Variants in THSD7A observed in about 807,000 individuals in gnomAD.
THSD7A encodes the protein thrombospondin type-1 domain-containing protein 7A.
In THSD7A, 96 loss-of-function variants were observed where a neutral mutation model predicts 231.3. The ratio of observed to expected loss-of-function variants is 0.41; its 90% CI spans 0.35 to 0.49. The LOEUF is 0.49. THSD7A is among the 20% of genes least tolerant of loss of function. THSD7A has a pLI of 0.05. For missense variants in THSD7A, 2,290 were observed against 2,070.2 expected (o/e 1.11, Z -2.06); for synonymous variants, 940 against 743.3 (o/e 1.26, Z -4.30).
chr7:11,708,777 T>A (rs149776589), intron 1 of THSD7A, among the ~76,000 whole-genome samples: 6 of 150,824 alleles, frequency 4.0e-5, no homozygotes, highest in Non-Finnish European at 4.5e-5. Flanking sequence ...AATTCTAGTA[T>A]GCTATTTTCA....
chr7:11,742,492 A>C (rs1037112044), intron 1 of THSD7A, among the ~76,000 whole-genome samples: 4 of 151,928 alleles, frequency 2.6e-5, no homozygotes, highest in African/African-American at 9.7e-5. Context: ...CTAAATCATT[A>C]TGATAACAGC....
At chr7:11,546,195 G>C (rs868231826) in intron 4 of THSD7A, among the ~76,000 whole-genome samples, 4,459 of 78,558 alleles carry the variant, frequency 0.057, 129 homozygotes, top group African/African-American at 0.097. Flanking sequence ...TGCTGGTGTG[G>C]GCGCGCGCTC....
At chr7:11,803,757 T>C (rs1784336408) in intron 1 of THSD7A, among the ~76,000 whole-genome samples, 1 of 152,088 alleles carries the variant, frequency 6.6e-6, no homozygotes, top group Non-Finnish European at 1.5e-5. Flanking sequence ...CTGATGAGCT[T>C]TTAGAAAAAT....
chr7:11,590,658 C>G lies in THSD7A; in HGVS notation c.1272-17G>C. On this transcript the variant is annotated splice_polypyrimidine_tract_variant and intron_variant, in intron 3 of 27. Coordinates refer to ENST00000423059, the MANE Select transcript of THSD7A (RefSeq NM_015204.3). The surrounding 1 kb of genome is among the most constrained non-coding windows in gnomAD (Gnocchi z 4.4). ...CAGCCATACCTAAATAAAGACAACA[C>G]CACCAGCAGCAACCATAATTATTGA... 1 of 1,580,814 alleles carries G rather than the reference C, an allele frequency of 6.3e-7. No homozygotes were observed.
intron 1 of THSD7A, among the ~76,000 whole-genome samples, chr7:11,732,552 G>A (rs1218627100): frequency 6.6e-6 from 1 of 151,620 alleles, no homozygotes; most frequent in Non-Finnish European, 1.5e-5. Flanking sequence ...ACACTGTGCC[G>A]GTATTATATA....
intron 13 of THSD7A, among the ~76,000 whole-genome samples, chr7:11,436,304 T>C (rs1784630537): frequency 6.6e-6 from 1 of 152,148 alleles, no homozygotes; most frequent in African/African-American, 2.4e-5. Context: ...TGCAATGCAC[T>C]GTTCTTTCAA....
At chr7:11,749,559 T>C (rs1250853548) in intron 1 of THSD7A, among the ~76,000 whole-genome samples, 1 of 152,000 alleles carries the variant, frequency 6.6e-6, no homozygotes, top group Non-Finnish European at 1.5e-5. Context: ...ATTAAAAGTC[T>C]TCTTGTAATT....
chr7:11,482,684 G>C (rs1156744808), intron 6 of THSD7A, among the ~76,000 whole-genome samples: 1 of 152,142 alleles, frequency 6.6e-6, no homozygotes, highest in African/African-American at 2.4e-5. Context: ...TTAAGATAAA[G>C]GGCAGATTTT....
chr7:11,387,000 T>G (rs1326364560), intron 23 of THSD7A, among the ~76,000 whole-genome samples: 3 of 152,228 alleles, frequency 2.0e-5, no homozygotes. Flanking sequence ...TTGTCAGGTT[T>G]GTCAAAGGTC....
At chr7:11,517,124 G>C (rs1468559420) in intron 6 of THSD7A, among the ~76,000 whole-genome samples, 2 of 151,954 alleles carry the variant, frequency 1.3e-5, no homozygotes, top group African/African-American at 4.8e-5. Flanking sequence ...CTTTGCCTGG[G>C]CTAGAGTTCA....
chr7:11,488,431 T>G (rs1331719917), intron 6 of THSD7A, among the ~76,000 whole-genome samples: 2 of 152,236 alleles, frequency 1.3e-5, no homozygotes, highest in African/African-American at 2.4e-5. Flanking sequence ...AGGTCCAGAA[T>G]CACCCTCAGC....
rs1780131768 is a variant in THSD7A, at chr7:11,590,789, G to A, written c.1272-148C>T. 1.1e-6 allele frequency: 1 copy of A among 909,492 alleles called. No individual in the cohort carries two copies. The allele number at this position is 909,492 out of a possible 1,614,324, so 56.3% of individuals were successfully genotyped here. On this transcript the variant is annotated intron_variant, in intron 3 of 27. Transcript: ENST00000423059. This position sits in a 1 kb window ranked among gnomAD's most constrained non-coding sequence, Gnocchi z 4.4. ...AGACTACATCTATGGTGCATATTTG[G>A]TTTCAACTCCTTTATGCTCTGCAGT...
At chr7:11,472,953 T>C (rs1785997654) in intron 8 of THSD7A, among the ~76,000 whole-genome samples, 1 of 152,204 alleles carries the variant, frequency 6.6e-6, no homozygotes. Flanking sequence ...TTGGGACATC[T>C]GCTCTTGCTG....
intron 6 of THSD7A, among the ~76,000 whole-genome samples, chr7:11,488,366 A>G (rs1403582433): frequency 5.9e-5 from 9 of 152,080 alleles, no homozygotes; most frequent in African/African-American, 1.7e-4. Context: ...ACCTTTCTAG[A>G]AAACATTTTC....
intron 1 of THSD7A, among the ~76,000 whole-genome samples, chr7:11,687,421 C>T (rs1451345314): frequency 6.6e-6 from 1 of 151,562 alleles, no homozygotes; most frequent in Non-Finnish European, 1.5e-5. Flanking sequence ...AAAAATGAAA[C>T]TGACACACAC....
intron 1 of THSD7A, among the ~76,000 whole-genome samples, chr7:11,717,965 A>C (rs1362562202): frequency 6.6e-6 from 1 of 151,546 alleles, no homozygotes; most frequent in Non-Finnish European, 1.5e-5. Flanking sequence ...CAAAATTCAA[A>C]ATTTCATCCC....
intron 6 of THSD7A, among the ~76,000 whole-genome samples, chr7:11,512,513 G>C (rs1321145487): frequency 6.6e-6 from 1 of 151,942 alleles, no homozygotes; most frequent in Non-Finnish European, 1.5e-5. Flanking sequence ...CTATTCACAA[G>C]AGCAGACTTG....
chr7:11,443,418 T>C (rs574930843), intron 13 of THSD7A, among the ~76,000 whole-genome samples: 6 of 152,176 alleles, frequency 3.9e-5, no homozygotes, highest in African/African-American at 1.2e-4. Flanking sequence ...GAGAATAAAA[T>C]ATTCAATTAC....
At position 11,406,802 on chromosome 7, in the gene THSD7A, C is replaced by T; in HGVS notation, c.4062+108G>A. 7.5e-7 allele frequency: 1 copy of T among 1,335,844 alleles called. No homozygotes were observed. The highest frequency in any genetic ancestry group is 1.0e-6 in the Non-Finnish European group (1 of 995,648). 82.7% of individuals were successfully genotyped at this position (1,335,844 alleles called of 1,614,324 possible). On this transcript the variant is annotated intron_variant, in intron 21 of 27. Coordinates refer to ENST00000423059, the MANE Select transcript of THSD7A (RefSeq NM_015204.3). The surrounding 1 kb of genome is among the most constrained non-coding windows in gnomAD (Gnocchi z 4.7). Reference sequence around the variant, plus strand: ...ATACAAATTTTAAGAAGCTTGTCATCTGTGAGCTCTGAAACATATTTCTAA... The same window carrying T: ...ATACAAATTTTAAGAAGCTTGTCATTTGTGAGCTCTGAAACATATTTCTAA...
Sources: allele counts gnomAD v4.1 joint callset (sites outside exome capture counted in the v4.1 genomes callset), GRCh38; gene constraint gnomAD v4.1.1; non-coding constraint Gnocchi (gnomAD v3.1); transcripts MANE v1.5; gene names NCBI Gene and HGNC (gene_info 2026-07-23, HGNC 2026-07-21).